The following SZT2 variants were observed in gnomAD, a reference collection of about 807,000 sequenced individuals.
SZT2 encodes the protein KICSTOR complex protein SZT2.
Under a neutral mutation model 404.2 loss-of-function variants are expected in SZT2, and 216 were observed. That is an observed-to-expected ratio of 0.53 (90% CI 0.48 to 0.60). The LOEUF is 0.60. SZT2 is among the 20% of genes least tolerant of loss of function. The probability of loss-of-function intolerance (pLI) is 0.00; values close to 1 mark genes in which losing one functional copy is unlikely to be tolerated. For synonymous variants in SZT2, 1,693 were observed against 1,749.9 expected (o/e 0.97, Z 0.81); for missense variants, 3,857 against 4,459.2 (o/e 0.86, Z 3.85).
At position 43,441,747 on chromosome 1, in the gene SZT2, CCTGT is replaced by C. The variant is rs1182259013; in HGVS notation, c.7675_7678del (p.Glu2560SerfsTer92). 3 of 1,614,208 alleles carry C rather than the reference CCTGT, an allele frequency of 1.9e-6. No individual in the cohort carries two copies. Among genetic ancestry groups the C allele is most frequent in the South Asian group, 1.1e-5 (1 of 91,082 alleles). On this transcript the variant is annotated frameshift_variant, in exon 55 of 72. Coordinates refer to ENST00000634258, the MANE Select transcript of SZT2 (RefSeq NM_001365999.1). LOFTEE classifies it high-confidence loss of function. The surrounding 1 kb of genome is among the most constrained non-coding windows in gnomAD (Gnocchi z 4.8). ...TGTCCCGGTTCCTCCTTCCATCCAT[CCTGT>C]CTGAGTTCACCGCACTGGTCACCTC...
chr1:43,434,238 C>T, intron 40 of SZT2, 148 bp from the exon 41 acceptor site: 1 of 664,246 alleles, frequency 1.5e-6, no homozygotes, highest in Non-Finnish European at 2.5e-6. Flanking sequence ...CAAGCCTGCT[C>T]CCTTTTCATG....
chr1:43,430,228 G>A, intron 30 of SZT2, 83 bp from the exon 31 acceptor site: 1 of 1,569,970 alleles, frequency 6.4e-7, no homozygotes, highest in South Asian at 1.1e-5. Context: ...AGCTGTCTAA[G>A]GCAAGACAAG....
chr1:43,425,994 G>A lies in SZT2; in HGVS notation c.2930-44G>A, dbSNP rs1372927661. On this transcript the variant is annotated intron_variant, in intron 20 of 71. Coordinates refer to ENST00000634258, the MANE Select transcript of SZT2 (RefSeq NM_001365999.1). This position sits in a 1 kb window ranked among gnomAD's most constrained non-coding sequence, Gnocchi z 4.3. ...CACTGGTGGAGCAGGGGAGTGGGTA[G>A]GGTAATCTGCGTCTCACTGTGTCCT... The A allele has an allele frequency of 6.2e-7, 1 of 1,613,032 alleles. No individual in the cohort carries two copies. Among genetic ancestry groups the A allele is most frequent in the Non-Finnish European group, 8.5e-7 (1 of 1,179,032 alleles).
intron 5 of SZT2, 73 bp from the exon 6 acceptor site, chr1:43,415,887 A>G (rs1434574384): frequency 3.3e-6 from 5 of 1,506,676 alleles, no homozygotes; most frequent in African/African-American, 1.4e-5. Context: ...GCTGGGCTAT[A>G]AATTCTGGCT....
chr1:43,436,932 G>C (rs1654515936), intron 42 of SZT2: 3 of 556,688 alleles, frequency 5.4e-6, no homozygotes, highest in Non-Finnish European at 6.3e-6. Flanking sequence ...CCTCTCATTA[G>C]CTCCTTCTCT....
chr1:43,441,601 G>T lies in SZT2; in HGVS notation c.7609G>T (p.Gly2537Cys). ...QRWMEFMVQI[G>C]CASVSRSSAH... is the part of the protein sequence containing the mutation. ...CTGGATGGAGTTTATGGTTCAGATT[G>T]GTGAGACCCCAGCCTCCCCTCCCAT... The change falls in exon 54 of 72, where the codon GGT becomes TGT. Residue 2537 changes from glycine to cysteine, a missense_variant and splice_region_variant. Transcript: ENST00000634258. This position sits in a 1 kb window ranked among gnomAD's most constrained non-coding sequence, Gnocchi z 4.8. The T allele has an allele frequency of 6.2e-7, 1 of 1,614,030 alleles. No individual in the cohort carries two copies. Among genetic ancestry groups the T allele is most frequent in the Non-Finnish European group, 8.5e-7 (1 of 1,179,992 alleles).
At chr1:43,421,458 C>T in intron 11 of SZT2, among the ~76,000 whole-genome samples, 155 bp downstream of exon 11, 1 of 152,218 alleles carries the variant, frequency 6.6e-6, no homozygotes, top group East Asian at 1.9e-4. Context: ...TTCTCTTCTC[C>T]CTAAGGCCCC....
intron 42 of SZT2, chr1:43,436,413 C>G (rs937434854): frequency 3.9e-5 from 6 of 152,212 alleles, no homozygotes; most frequent in African/African-American, 1.4e-4. Context: ...TGACTTCCGG[C>G]AGCCTAAGAT....
rs759113002 is a variant in SZT2, at chr1:43,451,762, C to T, written c.*1282C>T. The T allele has an allele frequency of 2.5e-6, 4 of 1,613,958 alleles. No homozygotes were observed. The African/African-American group carries it at 4.0e-5, about 16-fold the overall frequency. ...ATTCCGAGACCCCGCAGGCCCCGCC[C>T]TCCTTCCGATCTGCGAAGTACCCCC... is the stretch of plus-strand genomic sequence containing the variant. On this transcript the variant is annotated 3_prime_UTR_variant, in exon 72 of 72. Transcript: ENST00000634258.
Position 43,453,931 on chromosome 1 carries a change from G to A in SZT2, c.*3451G>A, listed in dbSNP as rs1656759707. The A allele has an allele frequency of 1.6e-5, 19 of 1,205,036 alleles. No homozygotes were observed. Among genetic ancestry groups the A allele is most frequent in the Non-Finnish European group, 1.8e-5 (17 of 970,998 alleles). 74.6% of individuals were successfully genotyped at this position (1,205,036 alleles called of 1,614,324 possible). On this transcript the variant is annotated 3_prime_UTR_variant, in exon 72 of 72. Coordinates refer to ENST00000634258, the MANE Select transcript of SZT2 (RefSeq NM_001365999.1). ...CACTGTTCGTGGTTAGAAAAGCGAAGTGCTGTAAAAACCCGGGCCTTCACG... is the reference window on the plus strand; with the variant it reads ...CACTGTTCGTGGTTAGAAAAGCGAAATGCTGTAAAAACCCGGGCCTTCACG...
chr1:43,429,718 C>G lies in SZT2; in HGVS notation c.4182C>G (p.Asp1394Glu). 1 of 1,614,188 alleles carries G rather than the reference C, an allele frequency of 6.2e-7. No individual in the cohort carries two copies. Among genetic ancestry groups the G allele is most frequent in the Non-Finnish European group, 8.5e-7 (1 of 1,180,044 alleles). ...AACCATTCAGCATAGAGACCGAGGA[C>G]CTAAGCGAGCCTGAGTTTCAGAGCA... ...LASESSIETE[D>E]LSEPEFQSTR... Residue 1394 changes from aspartate (D) to glutamate (E), a missense_variant, in exon 29 of 72, where the codon GAC (aspartate) becomes GAG (glutamate). Transcript: ENST00000634258.
At chr1:43,401,039 A>G (rs1361695812) in intron 1 of SZT2, among the ~76,000 whole-genome samples, 1 of 151,838 alleles carries the variant, frequency 6.6e-6, no homozygotes, top group Non-Finnish European at 1.5e-5. Context: ...TTCCCATCTC[A>G]GCTTCCAGAG....
At chr1:43,449,085 C>G (rs778422670) in intron 70 of SZT2, 7 of 234,186 alleles carry the variant, frequency 3.0e-5, no homozygotes, top group Non-Finnish European at 5.0e-5. Context: ...GGTCCACAGA[C>G]CAGCAGCCGC....
At position 43,397,215 on chromosome 1, in the gene SZT2, TGA is replaced by T. The variant is rs1316516322; in HGVS notation, c.28-5960_28-5959del. On this transcript the variant is annotated intron_variant, in intron 1 of 71. Transcript: ENST00000634258. ...GGGAGGCTGAGGCCAGTGGATCACCTGAGGTAGAAGTTCGAGACCAGGCTAAC... is the reference window on the plus strand; with the variant it reads ...GGGAGGCTGAGGCCAGTGGATCACCTGGTAGAAGTTCGAGACCAGGCTAAC... Among the ~76,000 whole-genome samples, 5 of 152,148 alleles carry T rather than the reference TGA, an allele frequency of 3.3e-5. No individual in the cohort carries two copies. In the South Asian group the frequency reaches 1.0e-3, roughly 31 times the overall value.
rs370758014 is a variant in SZT2, at chr1:43,425,446, A to C, written c.2646-28A>C. 5.6e-5 allele frequency: 91 copies of C among 1,613,370 alleles called. No homozygotes were observed. The highest frequency in any genetic ancestry group is 7.1e-5 in the Non-Finnish European group (84 of 1,179,560). On this transcript the variant is annotated intron_variant, in intron 18 of 71. Coordinates refer to ENST00000634258, the MANE Select transcript of SZT2 (RefSeq NM_001365999.1). The surrounding 1 kb of genome is among the most constrained non-coding windows in gnomAD (Gnocchi z 4.3). ...TTCACTCCCTGCCATGAGGCTGTGC[A>C]TTGGACTCAGAGCCCTTCCTCCTTT...
intron 7 of SZT2, among the ~76,000 whole-genome samples, chr1:43,418,847 C>T (rs1039768982): frequency 1.3e-5 from 2 of 152,114 alleles, no homozygotes; most frequent in African/African-American, 2.4e-5. Flanking sequence ...AGAGCAGCAG[C>T]AGGAGGAGGG....
At chr1:43,398,935 C>G (rs1046015493) in intron 1 of SZT2, among the ~76,000 whole-genome samples, 63 of 152,156 alleles carry the variant, frequency 4.1e-4, no homozygotes, top group African/African-American at 1.4e-3. Flanking sequence ...CAAAAAATAG[C>G]CAGGCATGGT....
chr1:43,422,169 T>C lies in SZT2; in HGVS notation c.1713T>C (p.Asn571=), dbSNP rs373543368. 6 of 1,596,946 alleles carry C rather than the reference T, an allele frequency of 3.8e-6. No homozygotes were observed. The highest frequency in any genetic ancestry group is 1.7e-4 in the Middle Eastern group (1 of 6,054). Residue 571 remains asparagine (N), a synonymous_variant, in exon 12 of 72, where the codon AAT becomes AAC. Coordinates refer to ENST00000634258, the MANE Select transcript of SZT2 (RefSeq NM_001365999.1). ...AGCCAGTGCTGTCCATGGATGCAAA[T>C]TCCTGGCAGCGATGGCTGCACATGC... ...YWKPVLSMDA[N]SWQRWLHMHR...
rs760691100 is a variant in SZT2 at position 43,443,496 on chromosome 1, C to G, written c.8625+19C>G. The G allele has an allele frequency of 2.5e-6, 4 of 1,614,084 alleles. No homozygotes were observed. In the South Asian group the frequency reaches 4.4e-5, roughly 18 times the overall value. ...CGGGCAGGTAAGGCTGACTCCCAGA[C>G]TTCTAGCAGACCTTTGCTTACCCCA... On this transcript the variant is annotated intron_variant, in intron 61 of 71. Coordinates refer to ENST00000634258, the MANE Select transcript of SZT2 (RefSeq NM_001365999.1).
Sources: allele counts gnomAD v4.1 joint callset (sites outside exome capture counted in the v4.1 genomes callset), GRCh38; gene constraint gnomAD v4.1.1; non-coding constraint Gnocchi (gnomAD v3.1); transcripts MANE v1.5; gene names NCBI Gene and HGNC (gene_info 2026-07-23, HGNC 2026-07-21).